The following PTCH2 variants were observed in gnomAD, a reference collection of about 807,000 sequenced individuals.
PTCH2 encodes the protein patched 2.
PTCH2 carries 96 observed loss-of-function variants against 117.9 expected under a neutral mutation model. That is an observed-to-expected ratio of 0.81 (90% CI 0.69 to 0.96). PTCH2 has a LOEUF of 0.96. Ranked by LOEUF, PTCH2 falls within the 50% of genes least tolerant of loss-of-function variation. PTCH2 has a pLI of 0.00. For missense variants in PTCH2, 1,379 were observed against 1,562.5 expected (o/e 0.88, Z 1.98); for synonymous variants, 615 against 660.9 (o/e 0.93, Z 1.06).
chr1:44,838,211 A>C (rs1256974079), intron 2 of PTCH2, among the ~76,000 whole-genome samples: 1 of 152,230 alleles, frequency 6.6e-6, no homozygotes, highest in Non-Finnish European at 1.5e-5. Flanking sequence ...TAGGTATTTA[A>C]GTGGATGGTG....
rs77102909 is a variant in PTCH2, at chr1:44,830,873, C to G, written c.788G>C (p.Ser263Thr). The G allele has an allele frequency of 1.4e-5, 22 of 1,565,218 alleles. No individual in the cohort carries two copies. In the Admixed American group the frequency reaches 3.2e-4, roughly 23 times the overall value. ...LHPDDLHCPP[S>T]APNHHSRQAP... ...CTGCCTGCTGTGATGGTTGGGGGCA[C>G]TAGGTGGGCAGTGGAGGTCATCAGG... The change falls in exon 6 of 22, where the codon AGT becomes ACT. Residue 263 changes from serine (S) to threonine (T), a missense_variant. Transcript: ENST00000372192.
chr1:44,829,283 C>T lies in PTCH2; in HGVS notation c.1245G>A (p.Arg415=), dbSNP rs1557645713. 4 of 1,613,600 alleles carry T rather than the reference C, an allele frequency of 2.5e-6. No homozygotes were observed. The highest frequency in any genetic ancestry group is 3.4e-6 in the Non-Finnish European group (4 of 1,179,970). Residue 415 remains arginine (R), a synonymous_variant, in exon 10 of 22, where the codon CGG becomes CGA. Coordinates refer to ENST00000372192, the MANE Select transcript of PTCH2 (RefSeq NM_003738.5). ...AACCCTGGGACTGGGCGCAGTCCCA[C>T]CGCAGCATGGTCACACAGGCATAGG... ...MLAYACVTML[R]WDCAQSQGSV...
chr1:44,826,683 G>A lies in PTCH2; in HGVS notation c.2781C>T (p.Ile927=). The change falls in exon 18 of 22, where the codon ATC becomes ATT. Residue 927 remains isoleucine (I), a synonymous_variant. Coordinates refer to ENST00000372192, the MANE Select transcript of PTCH2 (RefSeq NM_003738.5). This position sits in a 1 kb window ranked among gnomAD's most constrained non-coding sequence, Gnocchi z 5.1. Reference sequence around the variant, plus strand: ...CTGCGCATGCTGCCCGGGCCCCCTCGATGGCCTCCACAAAGTCTGCAGTCT... The same window carrying A: ...CTGCGCATGCTGCCCGGGCCCCCTCAATGGCCTCCACAAAGTCTGCAGTCT... ...LQKTADFVEA[I]EGARAACAEA... 6.2e-7 allele frequency: 1 copy of A among 1,607,782 alleles called. No homozygotes were observed. The highest frequency in any genetic ancestry group is 8.5e-7 in the Non-Finnish European group (1 of 1,176,674).
In PTCH2 at chr1:44,827,840, T is replaced by C; in HGVS notation, c.2058+3A>G. ...GTCTCTGCCCTGCTCTGCCCAGTCT[T>C]ACCTTAGCATGTGACTGGAGCAGCA... On this transcript the variant is annotated splice_donor_region_variant and intron_variant, in intron 14 of 21. Coordinates refer to ENST00000372192, the MANE Select transcript of PTCH2 (RefSeq NM_003738.5). The C allele has an allele frequency of 6.2e-7, 1 of 1,614,040 alleles. No homozygotes were observed.
At chr1:44,830,142 G>C in intron 6 of PTCH2, 112 bp from the exon 7 acceptor site, 1 of 1,429,990 alleles carries the variant, frequency 7.0e-7, no homozygotes, top group Non-Finnish European at 9.6e-7. Flanking sequence ...TAGGGCTGGA[G>C]TGTAGGTAAC....
chr1:44,825,188 G>A (rs778350549), intron 19 of PTCH2, among the ~76,000 whole-genome samples: 12 of 151,984 alleles, frequency 7.9e-5, no homozygotes, highest in African/African-American at 1.2e-4. Flanking sequence ...CCAGGCTGGA[G>A]TGCAGTGGCA....
In PTCH2 at chr1:44,826,776, G is replaced by A. The variant is rs1478757336; in HGVS notation, c.2696-8C>T. The A allele has an allele frequency of 6.3e-7, 1 of 1,599,500 alleles. No individual in the cohort carries two copies. The highest frequency in any genetic ancestry group is 1.3e-5 in the African/African-American group (1 of 74,756). On this transcript the variant is annotated splice_region_variant and splice_polypyrimidine_tract_variant and intron_variant, in intron 17 of 21. Coordinates refer to ENST00000372192, the MANE Select transcript of PTCH2 (RefSeq NM_003738.5). This position sits in a 1 kb window ranked among gnomAD's most constrained non-coding sequence, Gnocchi z 5.1. ...AGGGCTGAGCTGGCGGGACTGTGGA[G>A]GGGAGGGGAAGGGAGAAGAGGGAGA...
chr1:44,825,628 G>A (rs1226933538), intron 19 of PTCH2, among the ~76,000 whole-genome samples: 1 of 152,118 alleles, frequency 6.6e-6, no homozygotes, highest in Non-Finnish European at 1.5e-5. Flanking sequence ...CTGGGTTCAA[G>A]TAATTCTCCT....
At position 44,842,715 on chromosome 1, in the gene PTCH2, C is replaced by T. The variant is rs957761020; in HGVS notation, c.72+146G>A. ...ACCGGCACAGACACACCGACACACA[C>T]GCACAACTTGCTTGCGGTGCTGGCT... On this transcript the variant is annotated intron_variant, in intron 1 of 21. Coordinates refer to ENST00000372192, the MANE Select transcript of PTCH2 (RefSeq NM_003738.5). 1.1e-5 allele frequency: 9 copies of T among 789,090 alleles called. No individual in the cohort carries two copies. In the African/African-American group the frequency reaches 1.4e-4, roughly 12 times the overall value. 48.9% of individuals were successfully genotyped at this position (789,090 alleles called of 1,614,324 possible).
rs1294414977 is a variant in PTCH2 at position 44,825,610 on chromosome 1, T to G, written c.3114+640A>C. Among the ~76,000 whole-genome samples, 45 of 151,750 alleles carry G rather than the reference T, an allele frequency of 3.0e-4. 1 individual carries two copies. The highest frequency in any genetic ancestry group is 3.0e-3 in the Admixed American group (45 of 15,224). On this transcript the variant is annotated intron_variant, in intron 19 of 21. Transcript: ENST00000372192. ...GATGTGATCTCAGCTCACTGTAACC[T>G]CCGCCTCCTGGGTTCAAGTAATTCT...
In PTCH2 at chr1:44,831,182, C is replaced by G; in HGVS notation, c.618-139G>C. ...CATATGGAGGGTGTGCAAGCCTCAG[C>G]TTCTCAGAACTGCCAGGCTGCATGG... is the stretch of plus-strand genomic sequence containing the variant. On this transcript the variant is annotated intron_variant, in intron 5 of 21. Transcript: ENST00000372192. The surrounding 1 kb of genome is among the most constrained non-coding windows in gnomAD (Gnocchi z 4.3). 1 of 880,468 alleles carries G rather than the reference C, an allele frequency of 1.1e-6. No homozygotes were observed. The highest frequency in any genetic ancestry group is 1.7e-6 in the Non-Finnish European group (1 of 576,088). The allele number at this position is 880,468 out of a possible 1,614,324, so 54.5% of individuals were successfully genotyped here.
chr1:44,820,407 A>G (rs754821728), downstream of PTCH2: 5 of 643,196 alleles, frequency 7.8e-6, no homozygotes, highest in South Asian at 7.5e-5. Context: ...ACCCGCAGTA[A>G]GCCTCCGGGC....
At chr1:44,825,553 A>G (rs963778074) in intron 19 of PTCH2, among the ~76,000 whole-genome samples, 55 of 150,830 alleles carry the variant, frequency 3.6e-4, no homozygotes, top group African/African-American at 1.2e-3. Flanking sequence ...TTGAGATTGA[A>G]TCTTGCTCTT....
rs1242475176 is a variant in PTCH2 at position 44,841,917 on chromosome 1, G to A, written c.195C>T (p.Ala65=). The A allele has an allele frequency of 2.4e-5, 38 of 1,614,110 alleles. No homozygotes were observed. Among genetic ancestry groups the A allele is most frequent in the Non-Finnish European group, 3.2e-5 (38 of 1,180,044 alleles). Residue 65 remains alanine, a synonymous_variant, in exon 2 of 22, where the codon GCC becomes GCT. Transcript: ENST00000372192. ...CGKVLFLGLL[A]FGALALGLRM... is the part of the protein sequence containing the mutation. ...GGAGACCTAATGCCAGGGCCCCAAA[G>A]GCCAACAGTCCCAGAAAGAGCACTT...
At chr1:44,830,163 CT>C in intron 6 of PTCH2, 133 bp from the exon 7 acceptor site, 1 of 1,218,690 alleles carries the variant, frequency 8.2e-7, no homozygotes, top group South Asian at 1.5e-5. Context: ...TATTCTGAGC[CT>C]CTTGACTGCT....
rs549699899 is a variant in PTCH2, at chr1:44,826,259, G to A, written c.3105C>T (p.His1035=). 8.1e-6 allele frequency: 13 copies of A among 1,613,938 alleles called. No homozygotes were observed. Among genetic ancestry groups the A allele is most frequent in the Admixed American group, 1.7e-5 (1 of 59,990 alleles). ...SVGIGVEFTV[H]VALGFLTTQG... The stretch of plus-strand genomic sequence containing the variant: ...GGGTGCCCGTGCTCACCAGAGCCAC[G>A]TGGACTGTGAACTCAACGCCAATGC... The change falls in exon 19 of 22, where the codon CAC becomes CAT. Residue 1035 remains histidine, a synonymous_variant. Coordinates refer to ENST00000372192, the MANE Select transcript of PTCH2 (RefSeq NM_003738.5). This position sits in a 1 kb window ranked among gnomAD's most constrained non-coding sequence, Gnocchi z 5.1.
downstream of PTCH2, chr1:44,821,835 C>T (rs61640612): frequency 7.3e-7 from 1 of 1,364,556 alleles, no homozygotes; most frequent in East Asian, 4.6e-5. Context: ...ACTAGAGAAG[C>T]TAATACCTCA....
Position 44,831,148 on chromosome 1 carries a change from T to C in PTCH2, c.618-105A>G. ...CCCCACCCTCCTCTTATCTGCCGAT[T>C]TGTCCTTCCATATGGAGGGTGTGCA... On this transcript the variant is annotated intron_variant, in intron 5 of 21. Coordinates refer to ENST00000372192, the MANE Select transcript of PTCH2 (RefSeq NM_003738.5). The surrounding 1 kb of genome is among the most constrained non-coding windows in gnomAD (Gnocchi z 4.3). 1 of 1,190,360 alleles carries C rather than the reference T, an allele frequency of 8.4e-7. No individual in the cohort carries two copies. Among genetic ancestry groups the C allele is most frequent in the Non-Finnish European group, 1.2e-6 (1 of 841,752 alleles). 73.7% of individuals were successfully genotyped at this position (1,190,360 alleles called of 1,614,324 possible). A position where few individuals can be genotyped will look rare whatever the true frequency, so the allele number is the denominator to read the frequency against.
In PTCH2 at chr1:44,828,976, C is replaced by T; in HGVS notation, c.1464+6G>A. 1 of 1,553,692 alleles carries T rather than the reference C, an allele frequency of 6.4e-7. No homozygotes were observed. Among genetic ancestry groups the T allele is most frequent in the Non-Finnish European group, 8.7e-7 (1 of 1,148,118 alleles). ...CTCAGATGAGCCCTGGGGGACAAGG[C>T]CCCACCTGGAGAGGGGTGCCAGGCA... is the stretch of plus-strand genomic sequence containing the variant. On this transcript the variant is annotated splice_donor_region_variant and intron_variant, in intron 11 of 21. Transcript: ENST00000372192.
Sources: allele counts gnomAD v4.1 joint callset (sites outside exome capture counted in the v4.1 genomes callset), GRCh38; gene constraint gnomAD v4.1.1; non-coding constraint Gnocchi (gnomAD v3.1); transcripts MANE v1.5; gene names NCBI Gene and HGNC (gene_info 2026-07-23, HGNC 2026-07-21).